Variants in TAMM41 observed in about 807,000 individuals in gnomAD.
TAMM41 encodes the protein TAM41 mitochondrial translocator assembly and maintenance homolog.
Under a neutral mutation model 44.1 loss-of-function variants are expected in TAMM41, and 36 were observed. That is an observed-to-expected ratio of 0.82 (90% CI 0.63 to 1.08). The LOEUF is 1.08. Ranked by LOEUF, TAMM41 falls within the 50% of genes least tolerant of loss-of-function variation. The pLI, the probability that TAMM41 is intolerant of heterozygous loss-of-function variation, is 0.00. For synonymous variants in TAMM41, 164 were observed against 153.1 expected (o/e 1.07, Z -0.53); for missense variants, 417 against 404.3 (o/e 1.03, Z -0.27).
intron 4 of TAMM41, among the ~76,000 whole-genome samples, chr3:11,820,407 A>G (rs2078467307): frequency 6.6e-6 from 1 of 152,200 alleles, no homozygotes; most frequent in Non-Finnish European, 1.5e-5. Context: ...ATGTTTTACA[A>G]TCCAAATCTT....
chr3:11,776,208 T>C, the TAMM41 span, among the ~76,000 whole-genome samples: 8 of 151,542 alleles, frequency 5.3e-5, no homozygotes, highest in Non-Finnish European at 8.8e-5. Flanking sequence ...TTAGTAGAGA[T>C]GGGGTTTCAC....
At chr3:11,730,924 A>G in the TAMM41 span, among the ~76,000 whole-genome samples, 2 of 152,166 alleles carry the variant, frequency 1.3e-5, no homozygotes, top group Non-Finnish European at 2.9e-5. Flanking sequence ...ACCCCTGGCA[A>G]AGGAAAGTTG....
At chr3:11,816,763 C>T (rs1453406623) in intron 5 of TAMM41, among the ~76,000 whole-genome samples, 1 of 151,700 alleles carries the variant, frequency 6.6e-6, no homozygotes, top group Admixed American at 6.6e-5. Flanking sequence ...CAGAGTCAGA[C>T]CCTGTCCCCC....
At chr3:11,723,857 G>A in the TAMM41 span, among the ~76,000 whole-genome samples, 8 of 151,856 alleles carry the variant, frequency 5.3e-5, no homozygotes, top group African/African-American at 1.2e-4. Context: ...TTATAAATGC[G>A]CCAGAAGTGT....
the TAMM41 span, among the ~76,000 whole-genome samples, chr3:11,742,152 A>G: frequency 6.7e-6 from 1 of 149,996 alleles, no homozygotes; most frequent in African/African-American, 2.5e-5. Flanking sequence ...CATATATCCA[A>G]TTCCACAGTC....
At position 11,846,719 on chromosome 3, in the gene TAMM41, G is replaced by A; in HGVS notation, c.-83C>T. 1 of 1,569,692 alleles carries A rather than the reference G, an allele frequency of 6.4e-7. No homozygotes were observed. Among genetic ancestry groups the A allele is most frequent in the Non-Finnish European group, 8.7e-7 (1 of 1,148,478 alleles). On this transcript the variant is annotated 5_prime_UTR_variant, in exon 1 of 8. Coordinates refer to ENST00000455809, the MANE Select transcript of TAMM41 (RefSeq NM_001284401.2). ...AACAGACACCGGGTAGGCGGTTTAG[G>A]GTGGGAAATGGAAGTCGGAGACTGG...
the TAMM41 span, among the ~76,000 whole-genome samples, chr3:11,753,847 G>A: frequency 1.3e-5 from 2 of 152,146 alleles, no homozygotes; most frequent in Non-Finnish European, 2.9e-5. Flanking sequence ...GAGATTGTAT[G>A]TCTGACGTGA....
chr3:11,759,248 G>A, the TAMM41 span, among the ~76,000 whole-genome samples: 3 of 152,206 alleles, frequency 2.0e-5, no homozygotes, highest in South Asian at 2.1e-4. Flanking sequence ...TACTGCTCAC[G>A]TGGAGGGAGT....
chr3:11,755,024 C>G, the TAMM41 span, among the ~76,000 whole-genome samples: 1 of 152,060 alleles, frequency 6.6e-6, no homozygotes, highest in Non-Finnish European at 1.5e-5. Context: ...TCCTCACTGT[C>G]CTTCCTTCTA....
Position 11,790,447 on chromosome 3 carries a change from T to C in TAMM41, c.*58A>G. 1.4e-6 allele frequency: 2 copies of C among 1,454,550 alleles called. No homozygotes were observed. The highest frequency in any genetic ancestry group is 1.1e-5 in the South Asian group (1 of 87,256). The allele number at this position is 1,454,550 out of a possible 1,614,324, so 90.1% of individuals were successfully genotyped here. Reference sequence around the variant, plus strand: ...GGTCAAAGTAACAAACACTGTTCTGTCAAAAAGGATCAAACACTTTATTCA... The same window carrying C: ...GGTCAAAGTAACAAACACTGTTCTGCCAAAAAGGATCAAACACTTTATTCA... On this transcript the variant is annotated 3_prime_UTR_variant, in exon 8 of 8. Transcript: ENST00000455809.
chr3:11,784,864 G>A, the TAMM41 span, among the ~76,000 whole-genome samples: 3 of 146,070 alleles, frequency 2.1e-5, no homozygotes, highest in African/African-American at 7.7e-5. Context: ...GTGCAGTGGC[G>A]CAATCGTGGC....
At chr3:11,768,197 C>G in the TAMM41 span, among the ~76,000 whole-genome samples, 1 of 150,956 alleles carries the variant, frequency 6.6e-6, no homozygotes, top group South Asian at 2.1e-4. Context: ...AGTGTAGTGG[C>G]GTGACCTCAG....
At chr3:11,736,182 G>A in the TAMM41 span, among the ~76,000 whole-genome samples, 5 of 152,128 alleles carry the variant, frequency 3.3e-5, no homozygotes, top group African/African-American at 9.7e-5. Flanking sequence ...AAGGGTAACC[G>A]TCTCATAATG....
chr3:11,743,332 T>C, the TAMM41 span, among the ~76,000 whole-genome samples: 2 of 120,914 alleles, frequency 1.7e-5, no homozygotes, highest in Non-Finnish European at 3.4e-5. Flanking sequence ...TACCTAATAA[T>C]CTCTTTTTTT....
the TAMM41 span, among the ~76,000 whole-genome samples, chr3:11,768,232 G>A: frequency 4.3e-4 from 65 of 152,024 alleles, no homozygotes; most frequent in Non-Finnish European, 7.9e-4. Flanking sequence ...TGCCTCCAGG[G>A]CTCAAGCAAT....
chr3:11,816,246 G>T (rs957392307), intron 5 of TAMM41, among the ~76,000 whole-genome samples: 7 of 150,834 alleles, frequency 4.6e-5, no homozygotes, highest in African/African-American at 1.7e-4. Flanking sequence ...GGCCCGGCCT[G>T]GTTTTTATTT....
At chr3:11,768,147 T>G in the TAMM41 span, among the ~76,000 whole-genome samples, 1 of 150,624 alleles carries the variant, frequency 6.6e-6, no homozygotes, top group South Asian at 2.1e-4. Context: ...ACTTTTTTGT[T>G]TTTTTTTTGA....
At chr3:11,729,409 C>G in the TAMM41 span, among the ~76,000 whole-genome samples, 70 of 151,858 alleles carry the variant, frequency 4.6e-4, no homozygotes, top group African/African-American at 1.6e-3. Flanking sequence ...GGAAGCTTAC[C>G]GAGAATGAAT....
At chr3:11,790,630 G>T in intron 7 of TAMM41, 49 bp from the exon 8 acceptor site, 1 of 1,491,052 alleles carries the variant, frequency 6.7e-7, no homozygotes, top group Non-Finnish European at 9.3e-7. Flanking sequence ...TTGTTGAGTG[G>T]ATGCTCAGAG....
Sources: allele counts gnomAD v4.1 joint callset (sites outside exome capture counted in the v4.1 genomes callset), GRCh38; gene constraint gnomAD v4.1.1; transcripts MANE v1.5; gene names NCBI Gene and HGNC (gene_info 2026-07-23, HGNC 2026-07-21).